AP1B1: variants seen among roughly 807,000 people sequenced by gnomAD.
AP1B1 encodes AP-1 complex subunit beta-1.
A neutral mutation model predicts 104.3 loss-of-function variants in AP1B1; 36 were observed. The observed-to-expected ratio is 0.35, with a 90% CI of 0.26 to 0.46. The LOEUF (loss-of-function observed/expected upper bound fraction) is 0.46. Ranked by LOEUF, AP1B1 falls within the 20% of genes least tolerant of loss-of-function variation. AP1B1 has a pLI of 1.00. For missense variants in AP1B1, 901 were observed against 1,247.9 expected (o/e 0.72, Z 4.19); for synonymous variants, 504 against 517.5 (o/e 0.97, Z 0.35).
chr22:29,367,055 C>G, intron 2 of AP1B1, 152 bp downstream of exon 2: 2 of 621,820 alleles, frequency 3.2e-6, no homozygotes, highest in Non-Finnish European at 5.8e-6. Flanking sequence ...ATCAACAGTT[C>G]AATTTTCTAG....
chr22:29,353,151 T>C (rs1450770651), intron 7 of AP1B1, among the ~76,000 whole-genome samples: 1 of 152,076 alleles, frequency 6.6e-6, no homozygotes, highest in East Asian at 1.9e-4. Flanking sequence ...CCTACTCCTA[T>C]GCCCTTCCAG....
chr22:29,370,911 T>C (rs2062224345), intron 1 of AP1B1, among the ~76,000 whole-genome samples: 1 of 152,170 alleles, frequency 6.6e-6, no homozygotes, highest in Admixed American at 6.6e-5. Context: ...TTTTCCGCAG[T>C]ATCTGTTTCA....
Position 29,363,105 on chromosome 22 carries a change from C to T in AP1B1, c.39G>A (p.Gly13=), listed in dbSNP as rs1191527744. The change falls in exon 3 of 23, where the codon GGG becomes GGA. Residue 13 remains glycine (G), a splice_region_variant and synonymous_variant. Transcript: ENST00000357586. Reference sequence around the variant, plus strand: ...GCTCTGCCTTCAGCTCGAAGATCTCCCCTAAGGAAAGGAGGCAAGCATGAG... The same window carrying T: ...GCTCTGCCTTCAGCTCGAAGATCTCTCCTAAGGAAAGGAGGCAAGCATGAG... ...DSKYFTTTKK[G]EIFELKAELN... 1 of 1,403,748 alleles carries T rather than the reference C, an allele frequency of 7.1e-7. No individual in the cohort carries two copies. Among genetic ancestry groups the T allele is most frequent in the Non-Finnish European group, 1.0e-6 (1 of 987,840 alleles). 87.0% of individuals were successfully genotyped at this position (1,403,748 alleles called of 1,614,324 possible). A position where few individuals can be genotyped will look rare whatever the true frequency, so the allele number is the denominator to read the frequency against.
intron 2 of AP1B1, among the ~76,000 whole-genome samples, chr22:29,363,705 G>A (rs899134992): frequency 1.3e-5 from 2 of 151,896 alleles, no homozygotes; most frequent in African/African-American, 4.8e-5. Context: ...ATCAGCCTGG[G>A]TAACATAGTG....
In AP1B1 at chr22:29,339,749, C is replaced by T. The variant is rs2061687190; in HGVS notation, c.2019+5G>A. Reference sequence around the variant, plus strand: ...AGGCTTGGTGACGCAAGGGTTGAACCATACCCCTTCAGGCTCATCCCCCAT... The same window carrying T: ...AGGCTTGGTGACGCAAGGGTTGAACTATACCCCTTCAGGCTCATCCCCCAT... On this transcript the variant is annotated splice_donor_5th_base_variant and intron_variant, in intron 15 of 22. Coordinates refer to ENST00000357586, the MANE Select transcript of AP1B1 (RefSeq NM_001127.4). 6.2e-7 allele frequency: 1 copy of T among 1,609,300 alleles called. No homozygotes were observed. The highest frequency in any genetic ancestry group is 8.5e-7 in the Non-Finnish European group (1 of 1,177,924).
Position 29,328,455 on chromosome 22 carries a change from G to A in AP1B1, c.*366C>T, listed in dbSNP as rs1369625910. ...AGTGGAGGGCCCTTTAACACCAACC[G>A]GAGAGACCAAGGAGCCAGGGGCTGC... On this transcript the variant is annotated 3_prime_UTR_variant, in exon 23 of 23. Coordinates refer to ENST00000357586, the MANE Select transcript of AP1B1 (RefSeq NM_001127.4). The surrounding 1 kb of genome is among the most constrained non-coding windows in gnomAD (Gnocchi z 4.1). The A allele has an allele frequency of 2.7e-5, 6 of 224,268 alleles. No homozygotes were observed. Among genetic ancestry groups the A allele is most frequent in the Non-Finnish European group, 4.5e-5 (5 of 111,718 alleles). 13.9% of individuals were successfully genotyped at this position (224,268 alleles called of 1,614,324 possible).
intron 3 of AP1B1, 84 bp from the exon 4 acceptor site, chr22:29,360,043 G>A: frequency 6.8e-7 from 1 of 1,474,758 alleles, no homozygotes; most frequent in East Asian, 2.3e-5. Flanking sequence ...GTGGGTGAGA[G>A]GACAGTGGGT....
At chr22:29,378,552 CAAAAAAAAAAAA>C (rs145933767) in intron 1 of AP1B1, among the ~76,000 whole-genome samples, 11 of 48,498 alleles carry the variant, frequency 2.3e-4, no homozygotes, top group African/African-American at 8.1e-4. Context: ...AACTCCGTAT[CAAAAAAAAAAAA>C]AAAAAAAAAA....
chr22:29,355,144 T>C (rs1043185991), intron 6 of AP1B1, among the ~76,000 whole-genome samples: 1 of 151,210 alleles, frequency 6.6e-6, no homozygotes, highest in Admixed American at 6.6e-5. Context: ...GGCTGAGACA[T>C]GAGAATCGCT....
At position 29,351,203 on chromosome 22, in the gene AP1B1, G is replaced by A. The variant is rs370184347; in HGVS notation, c.1123C>T (p.Arg375Cys). 7 of 1,613,764 alleles carry A rather than the reference G, an allele frequency of 4.3e-6. No individual in the cohort carries two copies. The highest frequency in any genetic ancestry group is 1.1e-5 in the South Asian group (1 of 91,084). Residue 375 changes from arginine to cysteine, a missense_variant, in exon 9 of 23, where the codon CGT becomes TGT. Transcript: ENST00000357586. ...TTGATGGCGCAGCGGCCAATAGCACGCACAGCCTTCCGTACAAAGTCCACA... is the reference window on the plus strand; with the variant it reads ...TTGATGGCGCAGCGGCCAATAGCACACACAGCCTTCCGTACAAAGTCCACA... ...VDVDFVRKAV[R>C]AIGRCAIKVE...
chr22:29,383,433 G>A (rs930159531), intron 1 of AP1B1, among the ~76,000 whole-genome samples: 5 of 152,066 alleles, frequency 3.3e-5, no homozygotes, highest in African/African-American at 4.8e-5. Context: ...GACCTGGGCC[G>A]GGTGCGGTGG....
intron 1 of AP1B1, among the ~76,000 whole-genome samples, chr22:29,372,969 T>C (rs577977400): frequency 1.3e-5 from 2 of 152,344 alleles, no homozygotes; most frequent in African/African-American, 2.4e-5. Flanking sequence ...TTCATCTCCA[T>C]AGTTCAATTT....
chr22:29,382,797 T>G (rs2062458127), intron 1 of AP1B1, among the ~76,000 whole-genome samples: 2 of 152,120 alleles, frequency 1.3e-5, no homozygotes, highest in Non-Finnish European at 2.9e-5. Flanking sequence ...TGTGGCTGAG[T>G]GAGCAATGAG....
At chr22:29,383,096 C>T (rs950470745) in intron 1 of AP1B1, among the ~76,000 whole-genome samples, 1 of 152,090 alleles carries the variant, frequency 6.6e-6, no homozygotes, top group African/African-American at 2.4e-5. Flanking sequence ...CCATATCTGG[C>T]CTGTTGACCT....
chr22:29,378,401 CA>C (rs2062380668), intron 1 of AP1B1, among the ~76,000 whole-genome samples: 1 of 151,288 alleles, frequency 6.6e-6, no homozygotes, highest in African/African-American at 2.4e-5. Flanking sequence ...TACAAAAATA[CA>C]ATTAGCCAGG....
At chr22:29,376,170 T>C (rs2062337734) in intron 1 of AP1B1, among the ~76,000 whole-genome samples, 1 of 152,204 alleles carries the variant, frequency 6.6e-6, no homozygotes, top group South Asian at 2.1e-4. Flanking sequence ...TTAGGTCTTC[T>C]GTAGGAAGGA....
At chr22:29,380,228 C>A (rs2062415488) in intron 1 of AP1B1, among the ~76,000 whole-genome samples, 2 of 152,206 alleles carry the variant, frequency 1.3e-5, no homozygotes, top group East Asian at 3.8e-4. Context: ...CCCTCCTACG[C>A]CACTGTCTGC....
chr22:29,372,511 A>C (rs2062258363), intron 1 of AP1B1, among the ~76,000 whole-genome samples: 1 of 152,024 alleles, frequency 6.6e-6, no homozygotes, highest in Admixed American at 6.6e-5. Context: ...TATGTTTTCT[A>C]GATGTATAAA....
At chr22:29,368,756 C>CAA (rs5844848) in intron 1 of AP1B1, among the ~76,000 whole-genome samples, 40 of 118,740 alleles carry the variant, frequency 3.4e-4, no homozygotes, top group South Asian at 8.2e-4. Context: ...AGGATTCAGT[C>CAA]AAAAAAAAAA....
Sources: gnomAD v4.1 joint callset for allele counts (sites outside exome capture counted in the v4.1 genomes callset) on GRCh38, gnomAD v4.1.1 for gene constraint, Gnocchi (gnomAD v3.1) non-coding constraint, MANE v1.5 for transcripts, NCBI Gene and HGNC (gene_info 2026-07-23, HGNC 2026-07-21) for gene names.